The following ZNF469 variants were observed in gnomAD, a reference collection of about 807,000 sequenced individuals.
ZNF469 encodes the protein zinc finger protein 469.
ZNF469 carries 1 observed loss-of-function variant against 1.0 expected under a neutral mutation model. The ratio of observed to expected loss-of-function variants is 1.00; its 90% CI spans 0.35 to 4.73. The LOEUF is 4.73. Among genes scored for constraint, ZNF469 ranks in the 30% most tolerant of loss-of-function variants. ZNF469 has a pLI of 0.16. For synonymous variants in ZNF469, 2,703 were observed against 2,363.4 expected (o/e 1.14, Z -4.17); for missense variants, 6,100 against 5,356.3 (o/e 1.14, Z -4.33).
Position 88,436,443 on chromosome 16 carries a change from C to G in ZNF469, c.8973C>G (p.His2991Gln). The change falls in exon 3 of 3, where the codon CAC becomes CAG. Residue 2991 changes from histidine (H) to glutamine (Q), a missense_variant. By Grantham distance (24) the His-to-Gln change is conservative (BLOSUM62 0). Transcript: ENST00000565624. Reference protein sequence around the residue: ...DDRPEAIPELHMVPAAWRGLE... With the variant: ...DDRPEAIPELQMVPAAWRGLE... ...GGCCGGAGGCCATTCCTGAGCTGCACATGGTCCCAGCGGCTTGGCGAGGCC... is the reference window on the plus strand; with the variant it reads ...GGCCGGAGGCCATTCCTGAGCTGCAGATGGTCCCAGCGGCTTGGCGAGGCC... The G allele has an allele frequency of 6.5e-7, 1 of 1,548,400 alleles. No individual in the cohort carries two copies. The highest frequency in any genetic ancestry group is 8.7e-7 in the Non-Finnish European group (1 of 1,146,968).
chr16:88,276,816 G>A, the ZNF469 span, among the ~76,000 whole-genome samples: 12 of 151,984 alleles, frequency 7.9e-5, no homozygotes, highest in Non-Finnish European at 1.6e-4. Flanking sequence ...TTAGTGCTGC[G>A]CCACGCCGAC....
the ZNF469 span, among the ~76,000 whole-genome samples, chr16:88,231,789 C>T: frequency 6.6e-6 from 1 of 152,224 alleles, no homozygotes; most frequent in African/African-American, 2.4e-5. The surrounding 1 kb of genome is among the most constrained non-coding windows in gnomAD (Gnocchi z 4.5). Context: ...CAAGAGCCTT[C>T]ACTTACTCAC....
chr16:88,110,932 C>A, the ZNF469 span, among the ~76,000 whole-genome samples: 1 of 152,262 alleles, frequency 6.6e-6, no homozygotes, highest in Non-Finnish European at 1.5e-5. Flanking sequence ...AAACTGCAGA[C>A]CCGGGCCAGC....
the ZNF469 span, among the ~76,000 whole-genome samples, chr16:88,177,102 G>C: frequency 6.6e-6 from 1 of 152,198 alleles, no homozygotes; most frequent in Non-Finnish European, 1.5e-5. This position sits in a 1 kb window ranked among gnomAD's most constrained non-coding sequence, Gnocchi z 4.8. Flanking sequence ...GATAATGTTT[G>C]TTTGACTGGA....
At chr16:88,145,953 A>C in the ZNF469 span, among the ~76,000 whole-genome samples, 1 of 152,184 alleles carries the variant, frequency 6.6e-6, no homozygotes, top group South Asian at 2.1e-4. Flanking sequence ...AGAAGCTGGA[A>C]TTTTCCCAGC....
chr16:88,208,803 ACTCT>A, the ZNF469 span, among the ~76,000 whole-genome samples: 73,960 of 122,864 alleles, frequency 0.6, 22,160 homozygotes, highest in Non-Finnish European at 0.72. Flanking sequence ...ACACACACAC[ACTCT>A]CTCTCTCTCT....
chr16:88,164,451 G>A, the ZNF469 span, among the ~76,000 whole-genome samples: 9 of 151,682 alleles, frequency 5.9e-5, no homozygotes, highest in South Asian at 2.1e-4. Flanking sequence ...ATGGATGCAC[G>A]GATGGATGGA....
chr16:88,309,730 G>A, the ZNF469 span, among the ~76,000 whole-genome samples: 1 of 151,870 alleles, frequency 6.6e-6, no homozygotes, highest in African/African-American at 2.4e-5. Context: ...CAGTGTTCAG[G>A]ACACCTGGCG....
At chr16:88,107,752 C>T in the ZNF469 span, among the ~76,000 whole-genome samples, 1 of 152,244 alleles carries the variant, frequency 6.6e-6, no homozygotes, top group East Asian at 1.9e-4. Context: ...AGGGAAGCAG[C>T]CACAAGTCAG....
the ZNF469 span, among the ~76,000 whole-genome samples, chr16:88,307,951 AG>A: frequency 1.3e-5 from 2 of 152,370 alleles, no homozygotes; most frequent in South Asian, 4.1e-4. Context: ...TTGTCTTCTA[AG>A]AGTGTTATGG....
chr16:88,132,594 C>T, the ZNF469 span, among the ~76,000 whole-genome samples: 6 of 152,266 alleles, frequency 3.9e-5, no homozygotes, highest in African/African-American at 1.4e-4. Flanking sequence ...GTCAGGAAAA[C>T]ATTTTCAGAA....
At chr16:88,381,428 A>T (rs868686842), upstream of ZNF469, among the ~76,000 whole-genome samples, 6,550 of 152,034 alleles carry the variant, frequency 0.043, 195 homozygotes, top group Middle Eastern at 0.079. Flanking sequence ...ACTCTCTCAC[A>T]CACACACACG....
chr16:88,328,349 C>T, the ZNF469 span, among the ~76,000 whole-genome samples: 2 of 152,266 alleles, frequency 1.3e-5, no homozygotes, highest in Non-Finnish European at 2.9e-5. Flanking sequence ...GGCTCCCAGC[C>T]TGCACTTCCT....
At chr16:88,163,469 T>C in the ZNF469 span, among the ~76,000 whole-genome samples, 60 of 150,410 alleles carry the variant, frequency 4.0e-4, no homozygotes, top group African/African-American at 1.4e-3. Context: ...GATGGATAGA[T>C]AGAAGGATGG....
rs1035996608 is a variant in ZNF469 at position 88,432,467 on chromosome 16, C to A, written c.4997C>A (p.Pro1666Gln). The change falls in exon 3 of 3, where the codon CCG becomes CAG. Residue 1666 changes from proline (P) to glutamine (Q), a missense_variant. Coordinates refer to ENST00000565624, the MANE Select transcript of ZNF469 (RefSeq NM_001367624.2). ...TGGCCCTGCCCAGCCTCCTTCCATC[C>A]GGGACATGCAGCCCTTCTCCCCTGT... ...GTWPCPASFH[P>Q]GHAALLPCAQ... 5.8e-6 allele frequency: 9 copies of A among 1,550,388 alleles called. No individual in the cohort carries two copies. The highest frequency in any genetic ancestry group is 7.8e-6 in the Non-Finnish European group (9 of 1,146,994).
intron 1 of ZNF469, among the ~76,000 whole-genome samples, chr16:88,409,699 G>A (rs1330761934): frequency 1.3e-5 from 2 of 152,358 alleles, no homozygotes; most frequent in African/African-American, 4.8e-5. Flanking sequence ...GTGTTCACAC[G>A]TGTGCAGCTC....
chr16:88,161,796 G>A, the ZNF469 span, among the ~76,000 whole-genome samples: 1 of 152,220 alleles, frequency 6.6e-6, no homozygotes, highest in African/African-American at 2.4e-5. Flanking sequence ...GAGGAAGCCA[G>A]ATGACGTGAG....
the ZNF469 span, among the ~76,000 whole-genome samples, chr16:88,222,068 G>A: frequency 1.4e-4 from 21 of 152,064 alleles, no homozygotes; most frequent in African/African-American, 5.1e-4. Flanking sequence ...CACACTTTCT[G>A]AGCTGAGATC....
the ZNF469 span, among the ~76,000 whole-genome samples, chr16:88,230,110 T>C: frequency 1.3e-5 from 2 of 152,224 alleles, no homozygotes; most frequent in African/African-American, 4.8e-5. Context: ...TCAGGAAGGC[T>C]CAGACTGTTT....
Sources: gnomAD v4.1 joint callset for allele counts (sites outside exome capture counted in the v4.1 genomes callset) on GRCh38, gnomAD v4.1.1 for gene constraint, Gnocchi (gnomAD v3.1) non-coding constraint, MANE v1.5 for transcripts, NCBI Gene and HGNC (gene_info 2026-07-23, HGNC 2026-07-21) for gene names.